CELF5: variants seen among roughly 807,000 people sequenced by gnomAD.
The protein encoded by CELF5 is CUG-BP and ETR-3 like factor 5.
Under a neutral mutation model 54.9 loss-of-function variants are expected in CELF5, and 6 were observed. The observed-to-expected ratio is 0.11, with a 90% CI of 0.06 to 0.22. The LOEUF (loss-of-function observed/expected upper bound fraction) is 0.22, where lower values mean the gene tolerates loss of function less well. Ranked by LOEUF, CELF5 falls within the 10% of genes least tolerant of loss-of-function variation. CELF5 has a pLI of 1.00. For missense variants in CELF5, 401 were observed against 678.6 expected (o/e 0.59, Z 4.54); for synonymous variants, 271 against 290.9 (o/e 0.93, Z 0.70).
intron 1 of CELF5, among the ~76,000 whole-genome samples, chr19:3,240,009 CTTT>C (rs61659054): frequency 3.7e-4 from 53 of 143,622 alleles, no homozygotes; most frequent in East Asian, 8.2e-4. Flanking sequence ...CTGCAACACA[CTTT>C]TTTTTTTTTT....
chr19:3,260,598 G>A (rs538282439), intron 2 of CELF5, among the ~76,000 whole-genome samples: 25 of 150,404 alleles, frequency 1.7e-4, no homozygotes, highest in African/African-American at 5.4e-4. Context: ...GGGACCACAG[G>A]TGTGTGCCAC....
chr19:3,291,571 C>CAAAAAAA (rs34331089), intron 11 of CELF5, among the ~76,000 whole-genome samples: 1 of 85,188 alleles, frequency 1.2e-5, no homozygotes, highest in Non-Finnish European at 2.1e-5. Context: ...GACTCCGACT[C>CAAAAAAA]AAAAAAAAAA....
chr19:3,232,713 GGGA>G (rs1568328111), intron 1 of CELF5, among the ~76,000 whole-genome samples: 1 of 152,066 alleles, frequency 6.6e-6, no homozygotes, highest in Non-Finnish European at 1.5e-5. Context: ...AGGCTGAGGT[GGGA>G]GGATTGCTTG....
At chr19:3,241,477 G>A (rs1242939015) in intron 1 of CELF5, among the ~76,000 whole-genome samples, 1 of 151,984 alleles carries the variant, frequency 6.6e-6, no homozygotes, top group Non-Finnish European at 1.5e-5. Context: ...GGACTTCCCT[G>A]TCTACCCCCT....
At position 3,281,145 on chromosome 19, in the gene CELF5, A is replaced by C. The variant is rs1050131575; in HGVS notation, c.604-54A>C. 8 of 1,574,606 alleles carry C rather than the reference A, an allele frequency of 5.1e-6. 1 individual carries two copies. The highest frequency in any genetic ancestry group is 5.1e-5 in the Admixed American group (3 of 59,274). On this transcript the variant is annotated intron_variant, in intron 5 of 12. Transcript: ENST00000292672. The surrounding 1 kb of genome is among the most constrained non-coding windows in gnomAD (Gnocchi z 6.5). ...GCTAACATGAATCCAGGGACCCCAGAGTCCTGGCTACCTCCCAGCCCGTTT... is the reference window on the plus strand; with the variant it reads ...GCTAACATGAATCCAGGGACCCCAGCGTCCTGGCTACCTCCCAGCCCGTTT...
intron 2 of CELF5, among the ~76,000 whole-genome samples, chr19:3,259,020 C>A (rs1158302800): frequency 6.6e-6 from 1 of 152,136 alleles, no homozygotes; most frequent in Admixed American, 6.6e-5. Flanking sequence ...GAGAAGCAGG[C>A]AGCCTGCGTG....
rs952139341 is a variant in CELF5, at chr19:3,228,751, C to A, written c.259+3753C>A. 3.3e-5 allele frequency among the ~76,000 whole-genome samples: 5 copies of A among 150,936 alleles called. No individual in the cohort carries two copies. In the South Asian group the frequency reaches 1.1e-3, roughly 32 times the overall value. ...CTGAGGCGTGAGATTCCGCGTGTGA[C>A]GCACCAGCTCCAGGGAGAAGGCGGG... On this transcript the variant is annotated intron_variant, in intron 1 of 12. Transcript: ENST00000292672. The surrounding 1 kb of genome is among the most constrained non-coding windows in gnomAD (Gnocchi z 6.0).
intron 10 of CELF5, among the ~76,000 whole-genome samples, chr19:3,289,356 G>A (rs2080303962): frequency 1.3e-5 from 2 of 152,220 alleles, no homozygotes; most frequent in East Asian, 3.9e-4. Context: ...AGGAGTTCCA[G>A]ATTAGCCTGG....
In CELF5 at chr19:3,268,871, G is replaced by T. The variant is rs996851043; in HGVS notation, c.343-5001G>T. Among the ~76,000 whole-genome samples, 14 of 152,148 alleles carry T rather than the reference G, an allele frequency of 9.2e-5. No individual in the cohort carries two copies. The highest frequency in any genetic ancestry group is 2.7e-4 in the African/African-American group (11 of 41,490). On this transcript the variant is annotated intron_variant, in intron 2 of 12. Coordinates refer to ENST00000292672, the MANE Select transcript of CELF5 (RefSeq NM_021938.4). This position sits in a 1 kb window ranked among gnomAD's most constrained non-coding sequence, Gnocchi z 4.4. ...GGGTAAGGATGGGGTGCAGCGGGGG[G>T]GCATTCTGTCACCAGCCACGTTCAG...
intron 10 of CELF5, chr19:3,286,452 C>G (rs533831662): frequency 4.2e-4 from 73 of 175,470 alleles, no homozygotes; most frequent in African/African-American, 1.7e-3. Flanking sequence ...CCATACAGTT[C>G]TTGCCATGTG....
intron 1 of CELF5, among the ~76,000 whole-genome samples, chr19:3,226,301 G>T (rs1403129898): frequency 1.3e-5 from 2 of 151,978 alleles, no homozygotes; most frequent in Non-Finnish European, 2.9e-5. Flanking sequence ...ATGAATGAAT[G>T]AAGGGGTTCA....
At chr19:3,273,822 CCACA>C in intron 2 of CELF5, 46 bp from the exon 3 acceptor site, 4 of 1,251,812 alleles carry the variant, frequency 3.2e-6, no homozygotes, top group East Asian at 2.4e-5. Flanking sequence ...CCCCCGCCTG[CCACA>C]CCCCCACTGC....
intron 2 of CELF5, among the ~76,000 whole-genome samples, chr19:3,256,256 A>C (rs1199765108): frequency 6.6e-6 from 1 of 151,960 alleles, no homozygotes; most frequent in Non-Finnish European, 1.5e-5. Flanking sequence ...CCTTACTTTC[A>C]AGGTAACAGC....
intron 1 of CELF5, among the ~76,000 whole-genome samples, chr19:3,234,093 AG>A (rs1159099178): frequency 6.6e-6 from 1 of 152,174 alleles, no homozygotes; most frequent in African/African-American, 2.4e-5. Flanking sequence ...ACTAGGGGGA[AG>A]GACCAGAGGG....
chr19:3,290,236 G>A lies in CELF5; in HGVS notation c.1192G>A (p.Glu398Lys), dbSNP rs2080321236. ...LLQQQQREGP[E>K]GCNLFIYHLP... ...TTTCTCTCCCCCACCTGCAGGTCCC[G>A]AGGGCTGTAACCTGTTTATCTACCA... The change falls in exon 11 of 13, where the codon GAG becomes AAG. Residue 398 changes from glutamate to lysine, a missense_variant. This residue lies in a region of CELF5 where 59 missense variants were observed against 128.8 expected (regional missense o/e 0.46). Transcript: ENST00000292672. 2 of 1,613,676 alleles carry A rather than the reference G, an allele frequency of 1.2e-6. No individual in the cohort carries two copies. The highest frequency in any genetic ancestry group is 1.7e-6 in the Non-Finnish European group (2 of 1,179,734).
chr19:3,277,298 A>G (rs2080071815), intron 4 of CELF5, among the ~76,000 whole-genome samples: 3 of 151,290 alleles, frequency 2.0e-5, no homozygotes. Flanking sequence ...AGATGGTGAA[A>G]CCCGTCTCTA....
rs758400760 is a variant in CELF5, at chr19:3,285,913, C to T, written c.1103-29C>T. On this transcript the variant is annotated intron_variant, in intron 9 of 12. Coordinates refer to ENST00000292672, the MANE Select transcript of CELF5 (RefSeq NM_021938.4). ...GCCCACGTGGCCTCACGCCCCTCCT[C>T]GCCCTGTGTCTCGCTCCGGTCTCCG... 8 of 1,529,634 alleles carry T rather than the reference C, an allele frequency of 5.2e-6. No homozygotes were observed. In the East Asian group the frequency reaches 1.6e-4, roughly 30 times the overall value. 94.8% of individuals were successfully genotyped at this position (1,529,634 alleles called of 1,614,324 possible).
chr19:3,242,500 G>C (rs572316058), intron 1 of CELF5, among the ~76,000 whole-genome samples: 2 of 151,604 alleles, frequency 1.3e-5, no homozygotes, highest in African/African-American at 4.8e-5. Flanking sequence ...GTGAAACCCT[G>C]TCTCTACTAA....
intron 8 of CELF5, 56 bp from the exon 9 acceptor site, chr19:3,284,846 G>T: frequency 6.8e-7 from 1 of 1,476,860 alleles, no homozygotes; most frequent in Non-Finnish European, 9.5e-7. Flanking sequence ...AGGATCGGGG[G>T]TGGATGGAAG....
Sources: allele counts gnomAD v4.1 joint callset (sites outside exome capture counted in the v4.1 genomes callset), GRCh38; gene constraint gnomAD v4.1.1; regional missense constraint gnomAD v4.1.1; non-coding constraint Gnocchi (gnomAD v3.1); transcripts MANE v1.5; gene names NCBI Gene and HGNC (gene_info 2026-07-23, HGNC 2026-07-21).